The following RARS2 variants were observed in gnomAD, a reference collection of about 807,000 sequenced individuals.
RARS2 encodes probable arginine--tRNA ligase, mitochondrial.
RARS2 carries 67 observed loss-of-function variants against 88.5 expected under a neutral mutation model. The ratio of observed to expected loss-of-function variants is 0.76; its 90% CI spans 0.62 to 0.93. RARS2 has a LOEUF of 0.93. Ranked by LOEUF, RARS2 falls within the 40% of genes least tolerant of loss-of-function variation. RARS2 has a pLI of 0.00. For missense variants in RARS2, 664 were observed against 684.2 expected (o/e 0.97, Z 0.33); for synonymous variants, 239 against 230.3 (o/e 1.04, Z -0.34).
At position 87,589,954 on chromosome 6, in the gene RARS2, C is replaced by CCATG; in HGVS notation, c.-1_3dup (p.Ala2HisfsTer41). Reference sequence around the variant, plus strand: ...GCAATAGCGCGGCGAAAGCCGCACGCCATGTCCACCTCTACGGAAGTGCGC... The same window carrying CCATG: ...GCAATAGCGCGGCGAAAGCCGCACGCCATGCATGTCCACCTCTACGGAAGTGCGC... On this transcript the variant is annotated frameshift_variant, in exon 1 of 20. Coordinates refer to ENST00000369536, the MANE Select transcript of RARS2 (RefSeq NM_020320.5). LOFTEE classifies it high-confidence loss of function. The CCATG allele has an allele frequency of 6.2e-7, 1 of 1,614,248 alleles. No homozygotes were observed. The highest frequency in any genetic ancestry group is 8.5e-7 in the Non-Finnish European group (1 of 1,180,040).
chr6:87,523,658 A>G (rs1774717572), intron 11 of RARS2, among the ~76,000 whole-genome samples: 2 of 152,168 alleles, frequency 1.3e-5, no homozygotes, highest in South Asian at 4.1e-4. Context: ...TCTTTTTCCA[A>G]AGAAAAATAT....
intron 4 of RARS2, among the ~76,000 whole-genome samples, chr6:87,561,086 AATGGACTGT>A (rs1332243183): frequency 2.0e-5 from 3 of 152,232 alleles, no homozygotes; most frequent in Admixed American, 2.0e-4. Flanking sequence ...CTTATTAAAA[AATGGACTGT>A]AAAACAGTTA....
chr6:87,582,862 G>A (rs1397130350), intron 1 of RARS2, among the ~76,000 whole-genome samples: 1 of 152,184 alleles, frequency 6.6e-6, no homozygotes, highest in African/African-American at 2.4e-5. Flanking sequence ...CATTAGCAGG[G>A]TAGCTCCTCT....
chr6:87,524,377 T>A (rs1774976536), intron 11 of RARS2, among the ~76,000 whole-genome samples, 180 bp downstream of exon 11: 1 of 152,222 alleles, frequency 6.6e-6, no homozygotes, highest in African/African-American at 2.4e-5. Context: ...TAGTATACAT[T>A]TCCTGCCAAC....
At chr6:87,565,645 C>T (rs1767640751) in intron 2 of RARS2, among the ~76,000 whole-genome samples, 1 of 152,154 alleles carries the variant, frequency 6.6e-6, no homozygotes, top group Non-Finnish European at 1.5e-5. Context: ...CTCATTACAT[C>T]ATTCTCTATG....
At chr6:87,558,994 G>A (rs528823657) in intron 4 of RARS2, among the ~76,000 whole-genome samples, 1 of 152,312 alleles carries the variant, frequency 6.6e-6, no homozygotes, top group East Asian at 1.9e-4. Context: ...GGTGAAGACA[G>A]TGATATTGAT....
At position 87,564,239 on chromosome 6, in the gene RARS2, A is replaced by C; in HGVS notation, c.111-7T>G. The C allele has an allele frequency of 6.3e-7, 1 of 1,587,092 alleles. No individual in the cohort carries two copies. Among genetic ancestry groups the C allele is most frequent in the Non-Finnish European group, 8.7e-7 (1 of 1,155,806 alleles). ...CTGAAAATCAGCTACTTCTCTAAAG[A>C]CAGACATCGAAACGAGATAGAACTG... On this transcript the variant is annotated splice_region_variant and splice_polypyrimidine_tract_variant and intron_variant, in intron 2 of 19. Coordinates refer to ENST00000369536, the MANE Select transcript of RARS2 (RefSeq NM_020320.5).
At chr6:87,516,379 T>C (rs949318525) in intron 18 of RARS2, among the ~76,000 whole-genome samples, 24 of 152,312 alleles carry the variant, frequency 1.6e-4, no homozygotes, top group African/African-American at 5.8e-4. Flanking sequence ...TCATCAGCCC[T>C]CCCAGGACAA....
intron 1 of RARS2, among the ~76,000 whole-genome samples, chr6:87,570,146 T>C (rs1769203579): frequency 6.6e-6 from 1 of 152,116 alleles, no homozygotes; most frequent in Admixed American, 6.6e-5. Context: ...GCTTAATCAT[T>C]AGAATAGCGG....
rs552188174 is a variant in RARS2 at position 87,524,821 on chromosome 6, G to C, written c.879-169C>G. Among the ~76,000 whole-genome samples the C allele has an allele frequency of 1.7e-3, 258 of 152,206 alleles. 2 individuals are homozygous for C. Among genetic ancestry groups the C allele is most frequent in the African/African-American group, 6.0e-3 (248 of 41,516 alleles). ...TGGAAAAAAACAAGAATATGACCAA[G>C]AATCTCTTATGAATGGGTATGATGT... On this transcript the variant is annotated intron_variant, in intron 10 of 19. Coordinates refer to ENST00000369536, the MANE Select transcript of RARS2 (RefSeq NM_020320.5).
At chr6:87,525,100 A>G (rs12664061) in intron 10 of RARS2, among the ~76,000 whole-genome samples, 11,814 of 152,250 alleles carry the variant, frequency 0.078, 481 homozygotes, top group East Asian at 0.095. Context: ...GAATCTGTAT[A>G]TGACAATCTA....
intron 1 of RARS2, among the ~76,000 whole-genome samples, chr6:87,587,711 T>G (rs1223468720): frequency 6.6e-6 from 1 of 152,208 alleles, no homozygotes; most frequent in Non-Finnish European, 1.5e-5. Flanking sequence ...TGAGCTTAAA[T>G]GTGAATGTGT....
At chr6:87,555,646 T>C (rs1785634170) in intron 4 of RARS2, 141 bp from the exon 5 acceptor site, 1 of 669,864 alleles carries the variant, frequency 1.5e-6, no homozygotes, top group Non-Finnish European at 2.7e-6. Flanking sequence ...TGGCACTACC[T>C]CCAGCACCAC....
At chr6:87,523,913 T>C (rs530418305) in intron 11 of RARS2, among the ~76,000 whole-genome samples, 18 of 152,244 alleles carry the variant, frequency 1.2e-4, no homozygotes, top group African/African-American at 4.1e-4. Context: ...CCCAATTGCA[T>C]AGAAATGGTA....
chr6:87,554,587 G>A (rs1785233123), intron 5 of RARS2, among the ~76,000 whole-genome samples: 1 of 152,088 alleles, frequency 6.6e-6, no homozygotes, highest in Admixed American at 6.6e-5. Context: ...TTCCCAAGTA[G>A]CTGTCACTAC....
intron 9 of RARS2, among the ~76,000 whole-genome samples, chr6:87,529,947 A>ATATAG (rs1776932628): frequency 6.6e-6 from 1 of 152,104 alleles, no homozygotes; most frequent in Non-Finnish European, 1.5e-5. Context: ...AATAGTTTCC[A>ATATAG]CTATACCAGT....
In RARS2 at chr6:87,582,067, CCACA is replaced by C. The variant is rs869090231; in HGVS notation, c.36+7851_36+7854del. 3.9e-5 allele frequency among the ~76,000 whole-genome samples: 6 copies of C among 152,140 alleles called. No individual in the cohort carries two copies. In the South Asian group the frequency reaches 8.3e-4, roughly 21 times the overall value. The stretch of plus-strand genomic sequence containing the variant: ...TTGTGAATAGTGCTGCAGTGAACAT[CCACA>C]TGCATGTATCTTTGTAGCAGAATGA... On this transcript the variant is annotated intron_variant, in intron 1 of 19. Transcript: ENST00000369536.
At chr6:87,541,559 C>T (rs1366924755) in intron 8 of RARS2, among the ~76,000 whole-genome samples, 1 of 152,116 alleles carries the variant, frequency 6.6e-6, no homozygotes, top group Non-Finnish European at 1.5e-5. Context: ...CGTGGTGACT[C>T]ACGCCTGTAA....
chr6:87,549,865 A>G (rs1783804065), intron 5 of RARS2, among the ~76,000 whole-genome samples: 1 of 152,234 alleles, frequency 6.6e-6, no homozygotes, highest in African/African-American at 2.4e-5. Flanking sequence ...TGACTCTTGA[A>G]TATGTGTAAT....
Sources: gnomAD v4.1 joint callset for allele counts (sites outside exome capture counted in the v4.1 genomes callset) on GRCh38, gnomAD v4.1.1 for gene constraint, MANE v1.5 for transcripts, NCBI Gene and HGNC (gene_info 2026-07-23, HGNC 2026-07-21) for gene names.